OLA1: variants seen among roughly 807,000 people sequenced by gnomAD.
OLA1 encodes obg-like ATPase 1.
OLA1 carries 14 observed loss-of-function variants against 48.4 expected under a neutral mutation model. The observed-to-expected ratio is 0.29, with a 90% CI of 0.19 to 0.45. The LOEUF is 0.45. OLA1 is among the 20% of genes least tolerant of loss of function. OLA1 has a pLI of 1.00. For synonymous variants in OLA1, 127 were observed against 150.4 expected (o/e 0.84, Z 1.14); for missense variants, 325 against 467.1 (o/e 0.70, Z 2.80).
chr2:174,096,604 G>A (rs1162104716), intron 7 of OLA1, among the ~76,000 whole-genome samples: 1 of 152,094 alleles, frequency 6.6e-6, no homozygotes, highest in African/African-American at 2.4e-5. Flanking sequence ...TCAAATTACA[G>A]CTCAATTACA....
chr2:174,166,827 C>T (rs1687176478), intron 4 of OLA1, among the ~76,000 whole-genome samples: 1 of 152,114 alleles, frequency 6.6e-6, no homozygotes, highest in Admixed American at 6.6e-5. Context: ...CACCTTATGG[C>T]CCCAAATTAC....
intron 4 of OLA1, among the ~76,000 whole-genome samples, chr2:174,164,581 T>C (rs1481775694): frequency 6.6e-6 from 1 of 152,170 alleles, no homozygotes; most frequent in Non-Finnish European, 1.5e-5. Context: ...GATAAATGTA[T>C]TTTCCAGTCA....
chr2:174,102,836 T>C lies in OLA1; in HGVS notation c.728+20344A>G, dbSNP rs115062983. 2.9e-3 allele frequency among the ~76,000 whole-genome samples: 446 copies of C among 152,294 alleles called. 1 individual carries two copies. Among genetic ancestry groups the C allele is most frequent in the African/African-American group, 0.01 (425 of 41,562 alleles). On this transcript the variant is annotated intron_variant, in intron 7 of 10. Transcript: ENST00000284719. ...CATCTAACTTCAAAGTTCCTGATCTTCCTATTGTATCAAGTTGCCTGTTTA... is the reference window on the plus strand; with the variant it reads ...CATCTAACTTCAAAGTTCCTGATCTCCCTATTGTATCAAGTTGCCTGTTTA...
At chr2:174,119,940 AACACACACACACACAAACACAC>A (rs1685875551) in intron 7 of OLA1, among the ~76,000 whole-genome samples, 1 of 129,674 alleles carries the variant, frequency 7.7e-6, no homozygotes, top group Non-Finnish European at 1.7e-5. Context: ...ATGTGTGTAT[AACACACACACACACAAACACAC>A]ACACACACAC....
At chr2:174,152,262 C>T (rs915950211) in intron 4 of OLA1, among the ~76,000 whole-genome samples, 7 of 151,896 alleles carry the variant, frequency 4.6e-5, no homozygotes, top group South Asian at 2.1e-4. Flanking sequence ...CAAAATTAGC[C>T]GGGCATGGTG....
At chr2:174,107,282 T>A (rs1482368328) in intron 7 of OLA1, among the ~76,000 whole-genome samples, 1 of 152,150 alleles carries the variant, frequency 6.6e-6, no homozygotes, top group African/African-American at 2.4e-5. Flanking sequence ...TTAAAAGTAT[T>A]TAAGAGAAAT....
intron 7 of OLA1, among the ~76,000 whole-genome samples, chr2:174,089,228 A>C (rs1685052755): frequency 6.6e-6 from 1 of 152,186 alleles, no homozygotes; most frequent in South Asian, 2.1e-4. Flanking sequence ...GGAAATGCAG[A>C]ATCTTGAACC....
intron 7 of OLA1, among the ~76,000 whole-genome samples, chr2:174,109,276 A>C (rs975772222): frequency 7.2e-5 from 11 of 152,192 alleles, no homozygotes; most frequent in African/African-American, 2.7e-4. Flanking sequence ...GAAGCTGACA[A>C]AACTTCCCAG....
intron 4 of OLA1, among the ~76,000 whole-genome samples, chr2:174,209,586 C>T (rs1177673614): frequency 6.6e-6 from 1 of 152,002 alleles, no homozygotes; most frequent in Non-Finnish European, 1.5e-5. Flanking sequence ...CGGGCTGAAG[C>T]AGAGGTGAAC....
At chr2:174,085,136 C>T (rs1008691021) in intron 7 of OLA1, among the ~76,000 whole-genome samples, 5 of 152,100 alleles carry the variant, frequency 3.3e-5, no homozygotes, top group East Asian at 1.9e-4. Flanking sequence ...TTTTTCTTCC[C>T]GGTAGTGATT....
At chr2:174,089,151 G>A (rs1278320715) in intron 7 of OLA1, among the ~76,000 whole-genome samples, 2 of 152,122 alleles carry the variant, frequency 1.3e-5, no homozygotes, top group East Asian at 3.9e-4. Context: ...GGAGGCTACA[G>A]TGAGCTATGA....
At chr2:174,144,951 A>AATATAT (rs71021672) in intron 4 of OLA1, among the ~76,000 whole-genome samples, 74 of 40,284 alleles carry the variant, frequency 1.8e-3, no homozygotes, top group South Asian at 5.2e-3. Context: ...AAAAAAAAAA[A>AATATAT]ATATATATAT....
intron 4 of OLA1, among the ~76,000 whole-genome samples, chr2:174,209,415 T>C (rs1000386451): frequency 6.6e-6 from 1 of 152,168 alleles, no homozygotes; most frequent in Non-Finnish European, 1.5e-5. Flanking sequence ...ATCCCAAGTA[T>C]ACATAATTTC....
intron 4 of OLA1, among the ~76,000 whole-genome samples, chr2:174,156,578 CTTTTTTTTTTT>C (rs5836451): frequency 2.7e-5 from 2 of 74,188 alleles, no homozygotes; most frequent in African/African-American, 9.8e-5. Context: ...CTCCCACACT[CTTTTTTTTTTT>C]TTTTTTTTTT....
chr2:174,135,987 T>TA (rs1280975166), intron 5 of OLA1, among the ~76,000 whole-genome samples: 2 of 152,238 alleles, frequency 1.3e-5, no homozygotes, highest in Non-Finnish European at 2.9e-5. Context: ...AAGCGTACAA[T>TA]AGCATGTCTA....
intron 2 of OLA1, among the ~76,000 whole-genome samples, chr2:174,241,066 C>G (rs567889874): frequency 1.3e-5 from 2 of 152,152 alleles, no homozygotes; most frequent in South Asian, 2.1e-4. Flanking sequence ...TCCATTCTCT[C>G]GAGAGCCAGA....
chr2:174,099,625 G>A (rs796583329), intron 7 of OLA1, among the ~76,000 whole-genome samples: 6 of 152,262 alleles, frequency 3.9e-5, no homozygotes, highest in African/African-American at 1.2e-4. Context: ...CCATTGCAAA[G>A]TTCTTTCCAT....
At chr2:174,115,439 T>C (rs1285153190) in intron 7 of OLA1, among the ~76,000 whole-genome samples, 2 of 152,200 alleles carry the variant, frequency 1.3e-5, no homozygotes, top group Admixed American at 6.5e-5. Context: ...TTCTGGACTA[T>C]AAGAAATCAA....
chr2:174,081,091 TATCA>T (rs1233256099), intron 9 of OLA1, 57 bp downstream of exon 9: 46 of 1,371,210 alleles, frequency 3.4e-5, no homozygotes, highest in Non-Finnish European at 4.4e-5. Context: ...AAGTCAGTGA[TATCA>T]ATCTGAATTC....
Sources: allele counts gnomAD v4.1 joint callset (sites outside exome capture counted in the v4.1 genomes callset), GRCh38; gene constraint gnomAD v4.1.1; transcripts MANE v1.5; gene names NCBI Gene and HGNC (gene_info 2026-07-23, HGNC 2026-07-21).